FGF2: variants seen among roughly 807,000 people sequenced by gnomAD.
FGF2 encodes fibroblast growth factor 2.
Under a neutral mutation model 15.9 loss-of-function variants are expected in FGF2, and 13 were observed. That is an observed-to-expected ratio of 0.82 (90% CI 0.53 to 1.30). The LOEUF is 1.30. Among genes scored for constraint, FGF2 ranks in the 50% most tolerant of loss-of-function variants. FGF2 has a pLI of 0.00. For synonymous variants in FGF2, 90 were observed against 78.4 expected, an observed-to-expected ratio of 1.15 and a Z score of -0.78; for missense variants, 163 against 196.9, an observed-to-expected ratio of 0.83 and a Z score of 1.03.
At chr4:122,838,266 A>G (rs1280997174) in intron 1 of FGF2, among the ~76,000 whole-genome samples, 1 of 152,210 alleles carries the variant, frequency 6.6e-6, no homozygotes, top group Non-Finnish European at 1.5e-5. Context: ...GACTAGGCAG[A>G]GTCCCTTTGC....
intron 2 of FGF2, among the ~76,000 whole-genome samples, chr4:122,889,209 T>C (rs1391453310): frequency 6.6e-6 from 1 of 152,184 alleles, no homozygotes; most frequent in Non-Finnish European, 1.5e-5. Flanking sequence ...ACTTTTAAAG[T>C]ATATGCATAA....
At chr4:122,862,885 A>G (rs1429869181) in intron 1 of FGF2, among the ~76,000 whole-genome samples, 1 of 152,228 alleles carries the variant, frequency 6.6e-6, no homozygotes, top group African/African-American at 2.4e-5. Context: ...CCAGAAGTCT[A>G]TGTTTATCAA....
intron 2 of FGF2, among the ~76,000 whole-genome samples, chr4:122,877,494 A>G (rs1726880266): frequency 6.6e-6 from 1 of 152,212 alleles, no homozygotes; most frequent in African/African-American, 2.4e-5. Context: ...TTCCACTAGT[A>G]CAGGCTCCCT....
At chr4:122,840,917 G>A (rs1221650339) in intron 1 of FGF2, among the ~76,000 whole-genome samples, 1 of 152,122 alleles carries the variant, frequency 6.6e-6, no homozygotes, top group Non-Finnish European at 1.5e-5. Context: ...GTGGGATACA[G>A]GGTGTTTTTG....
chr4:122,855,239 A>T (rs1472624871), intron 1 of FGF2, among the ~76,000 whole-genome samples: 1 of 152,222 alleles, frequency 6.6e-6, no homozygotes, highest in Non-Finnish European at 1.5e-5. Flanking sequence ...CATTTCGAAA[A>T]GGAAGAATTT....
At chr4:122,876,501 A>C (rs1331537935) in intron 2 of FGF2, 77 bp downstream of exon 2, 1 of 901,994 alleles carries the variant, frequency 1.1e-6, no homozygotes, top group Non-Finnish European at 1.9e-6. Context: ...TTGTTTATCA[A>C]ATCTTTATAA....
In FGF2 at chr4:122,892,669, G is replaced by A. The variant is rs912275852; in HGVS notation, c.*273G>A. ...TCTTTTTCACGCATTTGCTTTATTC[G>A]AAAAGAGGCTTTTAAAATGTGCATG... On this transcript the variant is annotated 3_prime_UTR_variant, in exon 3 of 3. Coordinates refer to ENST00000644866, the MANE Select transcript of FGF2 (RefSeq NM_001361665.2). The A allele has an allele frequency of 3.8e-5, 52 of 1,382,352 alleles. No homozygotes were observed. The East Asian group carries it at 7.3e-4, about 19-fold the overall frequency. The allele number at this position is 1,382,352 out of a possible 1,614,324, so 85.6% of individuals were successfully genotyped here. A position where few individuals can be genotyped will look rare whatever the true frequency, so the allele number is the denominator to read the frequency against.
At chr4:122,880,566 G>A (rs1366111476) in intron 2 of FGF2, among the ~76,000 whole-genome samples, 1 of 152,032 alleles carries the variant, frequency 6.6e-6, no homozygotes, top group Non-Finnish European at 1.5e-5. Context: ...AAATCTTAAA[G>A]CTCCAAAATG....
At chr4:122,862,154 C>T (rs1726484736) in intron 1 of FGF2, among the ~76,000 whole-genome samples, 1 of 152,218 alleles carries the variant, frequency 6.6e-6, no homozygotes, top group Non-Finnish European at 1.5e-5. Flanking sequence ...TGGCACATAG[C>T]TGTTACCCAT....
chr4:122,859,940 T>A (rs1451896793), intron 1 of FGF2, among the ~76,000 whole-genome samples: 2 of 152,208 alleles, frequency 1.3e-5, no homozygotes, highest in East Asian at 3.8e-4. Flanking sequence ...TCATTTTTGG[T>A]ACCATTTGAT....
intron 1 of FGF2, among the ~76,000 whole-genome samples, chr4:122,843,771 G>C (rs946240104): frequency 6.6e-6 from 1 of 152,078 alleles, no homozygotes; most frequent in Non-Finnish European, 1.5e-5. Flanking sequence ...TACTGTAATC[G>C]GTTAAGTGTA....
At chr4:122,885,283 T>G (rs1194423774) in intron 2 of FGF2, among the ~76,000 whole-genome samples, 1 of 152,236 alleles carries the variant, frequency 6.6e-6, no homozygotes, top group Non-Finnish European at 1.5e-5. Context: ...CAAATACTTA[T>G]TGATGACTTA....
At chr4:122,876,715 T>TA (rs892503946) in intron 2 of FGF2, among the ~76,000 whole-genome samples, 2 of 152,132 alleles carry the variant, frequency 1.3e-5, no homozygotes, top group East Asian at 1.9e-4. Context: ...AGCTATAATT[T>TA]AAAAAAAATT....
At chr4:122,867,174 G>C (rs1215152322) in intron 1 of FGF2, among the ~76,000 whole-genome samples, 1 of 152,214 alleles carries the variant, frequency 6.6e-6, no homozygotes, top group African/African-American at 2.4e-5. Flanking sequence ...GACTGCTAAA[G>C]AATGTAGGGT....
Position 122,896,839 on chromosome 4 carries a change from G to C in FGF2, c.*4443G>C, listed in dbSNP as rs1727372447. 6.6e-6 allele frequency: 1 copy of C among 152,098 alleles called. No individual in the cohort carries two copies. Among genetic ancestry groups the C allele is most frequent in the African/African-American group, 2.4e-5 (1 of 41,428 alleles). 9.4% of individuals were successfully genotyped at this position (152,098 alleles called of 1,614,324 possible). A position where few individuals can be genotyped will look rare whatever the true frequency, so the allele number is the denominator to read the frequency against. Reference sequence around the variant, plus strand: ...ATATCATTGTTGGCTAAATAGAATAGGGGACATGCATATTAAGGAAAAGGT... The same window carrying C: ...ATATCATTGTTGGCTAAATAGAATACGGGACATGCATATTAAGGAAAAGGT... On this transcript the variant is annotated 3_prime_UTR_variant, in exon 3 of 3. Coordinates refer to ENST00000644866, the MANE Select transcript of FGF2 (RefSeq NM_001361665.2).
At chr4:122,875,488 G>C (rs1726825650) in intron 1 of FGF2, among the ~76,000 whole-genome samples, 1 of 133,710 alleles carries the variant, frequency 7.5e-6, no homozygotes, top group African/African-American at 2.5e-5. Flanking sequence ...TCATTGAAGA[G>C]GAAGCTAGAA....
intron 2 of FGF2, among the ~76,000 whole-genome samples, chr4:122,879,365 A>T (rs1241877550): frequency 6.6e-6 from 1 of 152,228 alleles, no homozygotes; most frequent in South Asian, 2.1e-4. Context: ...ATGCTTCTGC[A>T]GTAGAATTGG....
intron 1 of FGF2, among the ~76,000 whole-genome samples, chr4:122,849,489 A>G (rs1402873278): frequency 1.3e-5 from 2 of 152,140 alleles, no homozygotes; most frequent in Admixed American, 6.5e-5. Flanking sequence ...ATTAGGAGAA[A>G]TACCTAATGT....
intron 1 of FGF2, among the ~76,000 whole-genome samples, chr4:122,873,195 C>A (rs928019529): frequency 1.3e-5 from 2 of 152,204 alleles, no homozygotes; most frequent in Non-Finnish European, 2.9e-5. Context: ...CCTGGCTTTC[C>A]ACATCTTGGA....
Sources: gnomAD v4.1 joint callset for allele counts (sites outside exome capture counted in the v4.1 genomes callset) on GRCh38, gnomAD v4.1.1 for gene constraint, MANE v1.5 for transcripts, NCBI Gene and HGNC (gene_info 2026-07-23, HGNC 2026-07-21) for gene names.